FAM193B: variants seen among roughly 807,000 people sequenced by gnomAD.
FAM193B encodes protein FAM193B.
A neutral mutation model predicts 70.7 loss-of-function variants in FAM193B; 27 were observed. The observed-to-expected ratio is 0.38, with a 90% CI of 0.28 to 0.53. FAM193B has a LOEUF of 0.53. Ranked by LOEUF, FAM193B falls within the 20% of genes least tolerant of loss-of-function variation. The pLI is 0.81. For synonymous variants in FAM193B, 448 were observed against 436.0 expected, an observed-to-expected ratio of 1.03 and a Z score of -0.34; for missense variants, 1,022 against 1,072.5, an observed-to-expected ratio of 0.95 and a Z score of 0.66.
At chr5:177,534,843 C>T (rs1221240451) in intron 4 of FAM193B, among the ~76,000 whole-genome samples, 1 of 152,094 alleles carries the variant, frequency 6.6e-6, no homozygotes, top group Admixed American at 6.5e-5. Context: ...GTCTCCAACT[C>T]CTGGGCTCAA....
Position 177,532,720 on chromosome 5 carries a change from T to A in FAM193B, c.1077-79A>T. 7.4e-7 allele frequency: 1 copy of A among 1,344,530 alleles called. No individual in the cohort carries two copies. Among genetic ancestry groups the A allele is most frequent in the Non-Finnish European group, 9.7e-7 (1 of 1,026,606 alleles). 83.3% of individuals were successfully genotyped at this position (1,344,530 alleles called of 1,614,324 possible). On this transcript the variant is annotated intron_variant, in intron 4 of 8. Coordinates refer to ENST00000514747, the MANE Select transcript of FAM193B (RefSeq NM_001190946.3). This position sits in a 1 kb window ranked among gnomAD's most constrained non-coding sequence, Gnocchi z 4.9. Reference sequence around the variant, plus strand: ...GAAGCATCCCAACCACCACCTGCCATCCTGACCGCCCTTCACTTGCCCCAC... The same window carrying A: ...GAAGCATCCCAACCACCACCTGCCAACCTGACCGCCCTTCACTTGCCCCAC...
chr5:177,541,940 C>T (rs1030394851), intron 1 of FAM193B, among the ~76,000 whole-genome samples: 1 of 152,022 alleles, frequency 6.6e-6, no homozygotes, highest in African/African-American at 2.4e-5. Flanking sequence ...GCTGCTATAC[C>T]GTATTGTTTA....
intron 5 of FAM193B, chr5:177,531,537 A>C: frequency 1.2e-5 from 11 of 919,454 alleles, no homozygotes; most frequent in Non-Finnish European, 1.7e-5. Context: ...GGTGGGGGGG[A>C]GGTGCTGACA....
Position 177,524,340 on chromosome 5 carries a change from C to A in FAM193B, c.2141G>T (p.Ser714Ile). Residue 714 changes from serine to isoleucine, a missense_variant, in exon 6 of 9, where the codon AGC becomes ATC. By Grantham distance (142) the Ser-to-Ile change is moderately radical. Transcript: ENST00000514747. The part of the protein sequence containing the change: ...GSPKTEKEKG[S>I]SWRNWPGEAK... ...CTCGCCTGGCCAGTTTCGCCAGGAG[C>A]TGCCCTTCTCCTTCTCAGTTTTGGG... 1.9e-6 allele frequency: 3 copies of A among 1,581,372 alleles called. No individual in the cohort carries two copies. The highest frequency in any genetic ancestry group is 1.7e-6 in the Non-Finnish European group (2 of 1,163,826).
Position 177,524,228 on chromosome 5 carries a change from G to A in FAM193B, c.2253C>T (p.Ser751=). The part of the protein sequence containing the change: ...PQSLPQGKGR[S]RRSRNKQEKP... ...TCTCCTGCTTGTTGCGGCTCCGGCG[G>A]CTGCGGCCCTTGCCCTGGGGCAAGC... Residue 751 remains serine, a synonymous_variant, in exon 6 of 9, where the codon AGC becomes AGT. Transcript: ENST00000514747. 2 of 1,548,300 alleles carry A rather than the reference G, an allele frequency of 1.3e-6. No individual in the cohort carries two copies. Among genetic ancestry groups the A allele is most frequent in the Non-Finnish European group, 8.7e-7 (1 of 1,147,964 alleles).
At chr5:177,547,285 T>TATTTTTTTA (rs1765554588) in intron 1 of FAM193B, 1 of 61,852 alleles carries the variant, frequency 1.6e-5, no homozygotes, top group African/African-American at 6.4e-5. Context: ...CAAATTTATT[T>TATTTTTTTA]CTTTTTTTTT....
chr5:177,549,695 T>A (rs1177751341), intron 1 of FAM193B, among the ~76,000 whole-genome samples: 1 of 152,256 alleles, frequency 6.6e-6, no homozygotes, highest in Non-Finnish European at 1.5e-5. Flanking sequence ...CACTTCTGCA[T>A]GCGCAGCTAG....
chr5:177,532,608 GTGTGCAAAC>G lies in FAM193B; in HGVS notation c.1101_1109del (p.Lys367_His370delinsAsn). ...GGGGCAGCTGGCAAGCCAGGCCACTGTGTGCAAACTTGTGCCCCTTGCACCCGGGATCCC... is the reference window on the plus strand; with the variant it reads ...GGGGCAGCTGGCAAGCCAGGCCACTGTTGTGCCCCTTGCACCCGGGATCCC... On this transcript the variant is annotated inframe_deletion, in exon 5 of 9. Coordinates refer to ENST00000514747, the MANE Select transcript of FAM193B (RefSeq NM_001190946.3). The surrounding 1 kb of genome is among the most constrained non-coding windows in gnomAD (Gnocchi z 4.9). The G allele has an allele frequency of 1.3e-6, 2 of 1,588,034 alleles. No homozygotes were observed. Among genetic ancestry groups the G allele is most frequent in the Non-Finnish European group, 1.7e-6 (2 of 1,171,838 alleles).
intron 1 of FAM193B, among the ~76,000 whole-genome samples, chr5:177,551,583 T>C (rs188283716): frequency 1.1e-4 from 16 of 152,364 alleles, no homozygotes; most frequent in Admixed American, 5.9e-4. Flanking sequence ...AGCATCACCA[T>C]ATCTTTAGTT....
At chr5:177,545,414 A>G (rs545960253) in intron 1 of FAM193B, among the ~76,000 whole-genome samples, 2 of 152,300 alleles carry the variant, frequency 1.3e-5, no homozygotes, top group East Asian at 3.9e-4. Context: ...TAGCTTTAAT[A>G]TTGTCTTTCT....
intron 1 of FAM193B, among the ~76,000 whole-genome samples, chr5:177,543,176 G>C (rs1272325312): frequency 6.6e-6 from 1 of 152,094 alleles, no homozygotes; most frequent in Non-Finnish European, 1.5e-5. Context: ...CAAAATAAAT[G>C]AGATTAGCCA....
chr5:177,530,376 C>T (rs925269134), intron 5 of FAM193B, among the ~76,000 whole-genome samples: 5 of 152,208 alleles, frequency 3.3e-5, no homozygotes, highest in Admixed American at 2.0e-4. Flanking sequence ...CAGTGAAAGG[C>T]ACCACCATCT....
intron 5 of FAM193B, among the ~76,000 whole-genome samples, chr5:177,526,386 C>G (rs1232085739): frequency 6.6e-6 from 1 of 152,128 alleles, no homozygotes; most frequent in South Asian, 2.1e-4. Context: ...TCGTGGCCCT[C>G]AGGGAGCAGC....
intron 5 of FAM193B, among the ~76,000 whole-genome samples, chr5:177,529,661 T>G (rs1355321336): frequency 6.6e-6 from 1 of 152,122 alleles, no homozygotes; most frequent in Non-Finnish European, 1.5e-5. Context: ...GAAGGAAAGT[T>G]TGTCAGAAGA....
intron 4 of FAM193B, among the ~76,000 whole-genome samples, chr5:177,533,140 A>C (rs1763737275): frequency 6.6e-6 from 1 of 152,140 alleles, no homozygotes; most frequent in Non-Finnish European, 1.5e-5. Flanking sequence ...GCTATCCATG[A>C]GGCCAGTCTC....
rs779194989 is a variant in FAM193B, at chr5:177,536,471, C to G, written c.963G>C (p.Lys321Asn). The G allele has an allele frequency of 1.1e-5, 17 of 1,583,220 alleles. No individual in the cohort carries two copies. The highest frequency in any genetic ancestry group is 1.5e-5 in the Non-Finnish European group (17 of 1,169,390). ...HLPSTSMPLLKMPPPFSGCSH... is the reference protein window; with the variant it reads ...HLPSTSMPLLNMPPPFSGCSH... ...TGCACCCCGAGAATGGTGGGGGCAT[C>G]TTCAGGAGCGGCATGCTGGTGGAGG... The change falls in exon 4 of 9, where the codon AAG becomes AAC. Residue 321 changes from lysine to asparagine, a missense_variant. Transcript: ENST00000514747.
At chr5:177,529,842 A>C (rs1763184209) in intron 5 of FAM193B, among the ~76,000 whole-genome samples, 1 of 152,128 alleles carries the variant, frequency 6.6e-6, no homozygotes, top group Non-Finnish European at 1.5e-5. Flanking sequence ...AGCCCACTGA[A>C]CCTTTCTGGC....
At chr5:177,525,281 G>A in intron 5 of FAM193B, 76 bp from the exon 6 acceptor site, 1 of 1,322,780 alleles carries the variant, frequency 7.6e-7, no homozygotes. Flanking sequence ...CCATCAGCCT[G>A]GGGCCCAGCT....
In FAM193B at chr5:177,523,638, T is replaced by C. The variant is rs142420128; in HGVS notation, c.2372+319A>G. 3.2e-3 allele frequency among the ~76,000 whole-genome samples: 487 copies of C among 152,386 alleles called. 3 individuals carry two copies. The highest frequency in any genetic ancestry group is 9.3e-3 in the South Asian group (45 of 4,834). On this transcript the variant is annotated intron_variant, in intron 7 of 8. Transcript: ENST00000514747. ...CAGACTCCTGGTCTAGACTGCTTCATTGACCTCAGCCCAGGCAAAGCAGAG... is the reference window on the plus strand; with the variant it reads ...CAGACTCCTGGTCTAGACTGCTTCACTGACCTCAGCCCAGGCAAAGCAGAG...
Sources: gnomAD v4.1 joint callset for allele counts (sites outside exome capture counted in the v4.1 genomes callset) on GRCh38, gnomAD v4.1.1 for gene constraint, Gnocchi (gnomAD v3.1) non-coding constraint, MANE v1.5 for transcripts, NCBI Gene and HGNC (gene_info 2026-07-23, HGNC 2026-07-21) for gene names.